The following GPCPD1 variants were observed in gnomAD, a reference collection of about 807,000 sequenced individuals.
GPCPD1 encodes glycerophosphocholine phosphodiesterase 1.
A neutral mutation model predicts 89.2 loss-of-function variants in GPCPD1; 29 were observed. The ratio of observed to expected loss-of-function variants is 0.33; its 90% CI spans 0.24 to 0.44. The LOEUF (loss-of-function observed/expected upper bound fraction) is 0.44. GPCPD1 is among the 20% of genes least tolerant of loss of function. The pLI, the probability that GPCPD1 is intolerant of heterozygous loss-of-function variation, is 1.00. For synonymous variants in GPCPD1, 258 were observed against 266.3 expected, an observed-to-expected ratio of 0.97 and a Z score of 0.30; for missense variants, 594 against 808.9, an observed-to-expected ratio of 0.73 and a Z score of 3.22.
intron 3 of GPCPD1, 29 bp downstream of exon 3, chr20:5,598,696 A>T (rs1300317661): frequency 7.8e-7 from 1 of 1,289,004 alleles, no homozygotes; most frequent in Non-Finnish European, 1.1e-6. Context: ...TGTCACAGTT[A>T]TTCTGTAACC....
chr20:5,573,329 GC>G (rs1986825244), intron 11 of GPCPD1, among the ~76,000 whole-genome samples: 1 of 152,096 alleles, frequency 6.6e-6, no homozygotes, highest in Non-Finnish European at 1.5e-5. Flanking sequence ...CAGGTGATCT[GC>G]CCATCTCGGC....
intron 5 of GPCPD1, 49 bp from the exon 6 acceptor site, chr20:5,584,371 C>A (rs777460059): frequency 1.3e-6 from 1 of 779,796 alleles, no homozygotes; most frequent in South Asian, 1.5e-5. Context: ...TTGATGCATA[C>A]CCAGTGAACA....
chr20:5,559,800 C>T (rs1985987412), intron 17 of GPCPD1, 140 bp downstream of exon 17: 3 of 493,516 alleles, frequency 6.1e-6, no homozygotes, highest in East Asian at 3.5e-5. Context: ...CAAGAAAGGG[C>T]ATGAGGAAAC....
rs932678239 is a variant in GPCPD1 at position 5,610,896 on chromosome 20, G to A, written c.-83C>T. The A allele has an allele frequency of 6.6e-6, 1 of 151,646 alleles. No individual in the cohort carries two copies. The highest frequency in any genetic ancestry group is 1.5e-5 in the Non-Finnish European group (1 of 67,914). The allele number at this position is 151,646 out of a possible 1,614,324, so 9.4% of individuals were successfully genotyped here. A position where few individuals can be genotyped will look rare whatever the true frequency, so the allele number is the denominator to read the frequency against. On this transcript the variant is annotated 5_prime_UTR_variant, in exon 1 of 20. Coordinates refer to ENST00000379019, the MANE Select transcript of GPCPD1 (RefSeq NM_019593.5). ...TCGCCGCCGCCCCGCCCGAGAGCGA[G>A]GACCGCGGGCAGAGGTACCGGGCGC...
At chr20:5,588,424 G>T (rs563335566) in intron 4 of GPCPD1, among the ~76,000 whole-genome samples, 2 of 152,266 alleles carry the variant, frequency 1.3e-5, no homozygotes, top group Admixed American at 6.5e-5. Flanking sequence ...AGAATTGCTT[G>T]ACCGTGGGAG....
intron 11 of GPCPD1, among the ~76,000 whole-genome samples, chr20:5,571,224 C>T (rs946984688): frequency 6.6e-6 from 1 of 152,156 alleles, no homozygotes; most frequent in South Asian, 2.1e-4. Context: ...TGCAGACTTC[C>T]GAAGCGGGAA....
rs1208753568 is a variant in GPCPD1 at position 5,546,266 on chromosome 20, C to T, written c.*1395G>A. The T allele has an allele frequency of 6.6e-6, 1 of 152,200 alleles. No homozygotes were observed. Among genetic ancestry groups the T allele is most frequent in the Non-Finnish European group, 1.5e-5 (1 of 68,030 alleles). The allele number at this position is 152,200 out of a possible 1,614,324, so 9.4% of individuals were successfully genotyped here. A position where few individuals can be genotyped will look rare whatever the true frequency, so the allele number is the denominator to read the frequency against. The stretch of plus-strand genomic sequence containing the variant: ...ATTGCTTAGCTTAAAAAATACTACA[C>T]AATGTATAATTTCAAGTCTTAGGTT... On this transcript the variant is annotated 3_prime_UTR_variant, in exon 20 of 20. Coordinates refer to ENST00000379019, the MANE Select transcript of GPCPD1 (RefSeq NM_019593.5).
intron 4 of GPCPD1, 44 bp downstream of exon 4, chr20:5,593,282 GA>G: frequency 1.1e-6 from 1 of 951,672 alleles, no homozygotes; most frequent in South Asian, 1.4e-5. Flanking sequence ...AGTTGCTTTT[GA>G]AGGAAGTGCT....
chr20:5,590,322 C>T (rs1979234242), intron 4 of GPCPD1, among the ~76,000 whole-genome samples: 1 of 151,804 alleles, frequency 6.6e-6, no homozygotes, highest in African/African-American at 2.4e-5. Context: ...GGGTGGATCA[C>T]CTGAGGTCAG....
Position 5,548,861 on chromosome 20 carries a change from C to A in GPCPD1, c.1830-1011G>T, listed in dbSNP as rs925467106. ...GCGGACTGTCAAACCAGAAACCACC[C>A]CTACTCCTAATCCCCCTGTGAAGAG... On this transcript the variant is annotated intron_variant, in intron 19 of 19. Coordinates refer to ENST00000379019, the MANE Select transcript of GPCPD1 (RefSeq NM_019593.5). The A allele has an allele frequency of 2.2e-5, 21 of 966,180 alleles. No homozygotes were observed. In the African/African-American group the frequency reaches 3.0e-4, roughly 14 times the overall value. The allele number at this position is 966,180 out of a possible 1,614,324, so 59.9% of individuals were successfully genotyped here.
Position 5,558,600 on chromosome 20 carries a change from T to C in GPCPD1, c.1668+84A>G, listed in dbSNP as rs748402977. On this transcript the variant is annotated intron_variant, in intron 18 of 19. Transcript: ENST00000379019. Reference sequence around the variant, plus strand: ...GTTTAGTCAAAACGTTAACATTAGATGGGTAAAGTAATATGAAATCTTTAC... The same window carrying C: ...GTTTAGTCAAAACGTTAACATTAGACGGGTAAAGTAATATGAAATCTTTAC... The C allele has an allele frequency of 1.3e-4, 99 of 781,720 alleles. 1 individual carries two copies. The highest frequency in any genetic ancestry group is 1.2e-3 in the Admixed American group (36 of 29,780). The allele number at this position is 781,720 out of a possible 1,614,324, so 48.4% of individuals were successfully genotyped here.
intron 13 of GPCPD1, among the ~76,000 whole-genome samples, chr20:5,567,168 A>G (rs1170609248): frequency 6.6e-6 from 1 of 152,222 alleles, no homozygotes; most frequent in Non-Finnish European, 1.5e-5. Context: ...CATTATATGA[A>G]GAAGGGCTAC....
At chr20:5,579,703 C>A (rs1440599378) in intron 7 of GPCPD1, among the ~76,000 whole-genome samples, 1 of 152,186 alleles carries the variant, frequency 6.6e-6, no homozygotes, top group African/African-American at 2.4e-5. Context: ...CACATTATAT[C>A]AATTTTACAA....
chr20:5,550,873 G>C (rs1292552108), intron 19 of GPCPD1, among the ~76,000 whole-genome samples: 1 of 152,186 alleles, frequency 6.6e-6, no homozygotes, highest in African/African-American at 2.4e-5. Context: ...GAGAATGGCA[G>C]GGCACAGGAT....
intron 4 of GPCPD1, among the ~76,000 whole-genome samples, chr20:5,588,970 TCTTTA>T (rs892952565): frequency 9.9e-5 from 15 of 152,238 alleles, no homozygotes; most frequent in African/African-American, 1.9e-4. Context: ...GATAGCAGTA[TCTTTA>T]CTTAATCAAG....
At chr20:5,568,478 A>C (rs927493542) in intron 12 of GPCPD1, among the ~76,000 whole-genome samples, 1 of 152,146 alleles carries the variant, frequency 6.6e-6, no homozygotes, top group African/African-American at 2.4e-5. Flanking sequence ...CCAGCTTAAA[A>C]ATCAAAATTC....
chr20:5,567,429 G>A, intron 13 of GPCPD1, 54 bp downstream of exon 13: 1 of 1,524,846 alleles, frequency 6.6e-7, no homozygotes, highest in Non-Finnish European at 8.8e-7. Context: ...ATACAAGCAA[G>A]TACAATAGTC....
At chr20:5,582,384 A>G (rs1051690899) in intron 6 of GPCPD1, among the ~76,000 whole-genome samples, 17 of 152,188 alleles carry the variant, frequency 1.1e-4, no homozygotes, top group African/African-American at 3.9e-4. Context: ...TCAAATTCCT[A>G]TCTAAATACT....
At chr20:5,598,608 G>A (rs886251972) in intron 3 of GPCPD1, 117 bp downstream of exon 3, 24 of 632,246 alleles carry the variant, frequency 3.8e-5, no homozygotes, top group African/African-American at 1.1e-4. Flanking sequence ...ACTATGCAAC[G>A]TGATAATGTT....
Sources: gnomAD v4.1 joint callset for allele counts (sites outside exome capture counted in the v4.1 genomes callset) on GRCh38, gnomAD v4.1.1 for gene constraint, MANE v1.5 for transcripts, NCBI Gene and HGNC (gene_info 2026-07-23, HGNC 2026-07-21) for gene names.